The following PAPLN variants were observed in gnomAD, a reference collection of about 807,000 sequenced individuals.
The protein encoded by PAPLN is papilin.
PAPLN carries 146 observed loss-of-function variants against 159.0 expected under a neutral mutation model. That is an observed-to-expected ratio of 0.92 (90% CI 0.80 to 1.05). PAPLN has a LOEUF of 1.05. PAPLN is among the 50% of genes least tolerant of loss of function. PAPLN has a pLI of 0.00. For synonymous variants in PAPLN, 734 were observed against 702.9 expected (o/e 1.04, Z -0.70); for missense variants, 1,720 against 1,743.9 (o/e 0.99, Z 0.24).
chr14:73,256,798 A>T (rs1885962147), intron 14 of PAPLN, among the ~76,000 whole-genome samples: 1 of 151,936 alleles, frequency 6.6e-6, no homozygotes, highest in Non-Finnish European at 1.5e-5. Flanking sequence ...CAGGAGAATC[A>T]CTTGAACCTG....
chr14:73,254,847 A>ATC (rs745903346), intron 13 of PAPLN, 30 bp from the exon 14 acceptor site: 40 of 1,607,018 alleles, frequency 2.5e-5, no homozygotes, highest in Non-Finnish European at 3.2e-5. Context: ...CGCCCTCAGC[A>ATC]TCTCTCTCTC....
In PAPLN at chr14:73,264,229, C is replaced by T. The variant is rs371168771; in HGVS notation, c.2880C>T (p.Asp960=). 26 of 1,613,764 alleles carry T rather than the reference C, an allele frequency of 1.6e-5. No homozygotes were observed. Among genetic ancestry groups the T allele is most frequent in the Non-Finnish European group, 1.9e-5 (23 of 1,180,002 alleles). ...CACTCAGGCACAGGCTGCAGTTCGA[C>T]GGATCCCTGATCATCCACCCCCTGC... is the stretch of plus-strand genomic sequence containing the variant. The part of the protein sequence containing the change: ...ISSDRHRLQF[D]GSLIIHPLQA... Residue 960 remains aspartate (D), a synonymous_variant, in exon 21 of 27, where the codon GAC becomes GAT. Transcript: ENST00000644200.
chr14:73,240,364 T>C (rs1237079999), intron 2 of PAPLN, among the ~76,000 whole-genome samples: 1 of 152,176 alleles, frequency 6.6e-6, no homozygotes, highest in Admixed American at 6.5e-5. Flanking sequence ...CCTAGGTCCA[T>C]TGAGCACTTG....
In PAPLN at chr14:73,261,209, G is replaced by T; in HGVS notation, c.2160G>T (p.Arg720=). 2.5e-6 allele frequency: 4 copies of T among 1,614,050 alleles called. No homozygotes were observed. The highest frequency in any genetic ancestry group is 3.4e-6 in the Non-Finnish European group (4 of 1,180,020). The change falls in exon 18 of 27, where the codon CGG becomes CGT. Residue 720 remains arginine (R), a synonymous_variant. Coordinates refer to ENST00000644200, the MANE Select transcript of PAPLN (RefSeq NM_001365906.3). ...AGCAGAATGAGCCCAGTGAGTGCCG[G>T]GGCTCCCAGTTTGGCTGTTGCTATG... ...QAQQNEPSEC[R]GSQFGCCYDN...
Position 73,245,773 on chromosome 14 carries a change from C to T in PAPLN, c.231+77C>T, listed in dbSNP as rs1191467360. ...GCCGATTTCCCCATTGGGATGCCCG[C>T]TCCTGGCCGCGGGCTGCTGGGTTGG... On this transcript the variant is annotated intron_variant, in intron 4 of 26. Transcript: ENST00000644200. The surrounding 1 kb of genome is among the most constrained non-coding windows in gnomAD (Gnocchi z 4.2). The T allele has an allele frequency of 1.3e-6, 2 of 1,503,820 alleles. No homozygotes were observed. The highest frequency in any genetic ancestry group is 2.5e-5 in the East Asian group (1 of 40,524). 93.2% of individuals were successfully genotyped at this position (1,503,820 alleles called of 1,614,324 possible). A position where few individuals can be genotyped will look rare whatever the true frequency, so the allele number is the denominator to read the frequency against.
intron 5 of PAPLN, among the ~76,000 whole-genome samples, chr14:73,247,428 T>G (rs1452201956): frequency 2.0e-5 from 3 of 152,218 alleles, no homozygotes; most frequent in Admixed American, 6.5e-5. Context: ...CACTCTAGAT[T>G]CCAGATCAAG....
chr14:73,250,861 G>A, intron 6 of PAPLN, 46 bp from the exon 7 acceptor site: 3 of 1,561,460 alleles, frequency 1.9e-6, no homozygotes, highest in Non-Finnish European at 2.6e-6. Context: ...AAGGCCTGAT[G>A]TGGCCATGAT....
At chr14:73,259,634 G>A (rs1406449431) in intron 16 of PAPLN, 89 bp downstream of exon 16, 5 of 1,387,208 alleles carry the variant, frequency 3.6e-6, no homozygotes, top group Non-Finnish European at 4.7e-6. Context: ...ATCAGAAGAG[G>A]GCTGGGGTGG....
At chr14:73,257,410 A>AGG (rs11377381) in intron 14 of PAPLN, among the ~76,000 whole-genome samples, 2,939 of 151,866 alleles carry the variant, frequency 0.019, 43 homozygotes, top group Middle Eastern at 0.068. Context: ...GCATTATTTC[A>AGG]GGGGGGGTCC....
At position 73,263,700 on chromosome 14, in the gene PAPLN, G is replaced by T. The variant is rs1358861001; in HGVS notation, c.2779G>T (p.Val927Leu). 3.1e-6 allele frequency: 5 copies of T among 1,613,016 alleles called. No individual in the cohort carries two copies. The highest frequency in any genetic ancestry group is 1.7e-5 in the Admixed American group (1 of 60,006). The change falls in exon 20 of 27, where the codon GTG (valine) becomes TTG (leucine). Residue 927 changes from valine to leucine, a missense_variant. Physicochemically the swap from Val to Leu is conservative, Grantham distance 32. Coordinates refer to ENST00000644200, the MANE Select transcript of PAPLN (RefSeq NM_001365906.3). ...SLVQAALGQLVRLSCSDDTAP... is the reference protein window; with the variant it reads ...SLVQAALGQLLRLSCSDDTAP... ...GGTGCAGGCAGCCCTGGGGCAGTTGGTGCGGCTCTCCTGCTCAGACGACAC... is the reference window on the plus strand; with the variant it reads ...GGTGCAGGCAGCCCTGGGGCAGTTGTTGCGGCTCTCCTGCTCAGACGACAC...
chr14:73,254,732 C>T, intron 13 of PAPLN, 37 bp downstream of exon 13: 1 of 1,602,976 alleles, frequency 6.2e-7, no homozygotes, highest in Non-Finnish European at 8.5e-7. Context: ...CTGCCTGACC[C>T]TGGTCTCTGG....
Position 73,265,330 on chromosome 14 carries a change from C to A in PAPLN, c.3126-40C>A, listed in dbSNP as rs200747227. 1.3e-6 allele frequency: 2 copies of A among 1,592,446 alleles called. No homozygotes were observed. Among genetic ancestry groups the A allele is most frequent in the African/African-American group, 2.7e-5 (2 of 74,734 alleles). On this transcript the variant is annotated intron_variant, in intron 22 of 26. Transcript: ENST00000644200. This position sits in a 1 kb window ranked among gnomAD's most constrained non-coding sequence, Gnocchi z 4.1. ...TGCCCATGGGAGTAGGCGGGGGCAA[C>A]GGCAAGGGCCCCTCATGCTGTGGGC...
chr14:73,254,336 G>T (rs1885640368), intron 12 of PAPLN, among the ~76,000 whole-genome samples, 177 bp from the exon 13 acceptor site: 1 of 152,206 alleles, frequency 6.6e-6, no homozygotes, highest in Non-Finnish European at 1.5e-5. Context: ...GTTGTCAGTA[G>T]CCATGGTTCA....
rs190713705 is a variant in PAPLN, at chr14:73,270,812, T to C, written c.3668-1683T>C. On this transcript the variant is annotated intron_variant, in intron 26 of 26. Coordinates refer to ENST00000644200, the MANE Select transcript of PAPLN (RefSeq NM_001365906.3). ...AGACATGGCCTCAGTCTGGCCACTC[T>C]CCTCCGGTCCTCTGCTGGCTGCTCT... is the stretch of plus-strand genomic sequence containing the variant. 2.6e-5 allele frequency among the ~76,000 whole-genome samples: 4 copies of C among 152,260 alleles called. No homozygotes were observed. In the East Asian group the frequency reaches 5.8e-4, roughly 22 times the overall value.
intron 21 of PAPLN, 60 bp from the exon 22 acceptor site, chr14:73,264,528 C>G (rs942841459): frequency 4.0e-5 from 62 of 1,553,580 alleles, no homozygotes; most frequent in Non-Finnish European, 5.3e-5. Flanking sequence ...CATGGCCCGC[C>G]CTTCCTTCCA....
intron 1 of PAPLN, among the ~76,000 whole-genome samples, chr14:73,237,869 C>T (rs1259694025): frequency 1.3e-5 from 2 of 152,164 alleles, no homozygotes; most frequent in Non-Finnish European, 2.9e-5. Context: ...CCGCTCGGAC[C>T]TTCCCTTCAG....
Position 73,245,835 on chromosome 14 carries a change from C to T in PAPLN, c.231+139C>T. ...GTCCTCCCGCCAATCCACAGCAGGGCTGCGTGGGGGCCCCTTCCTCACCCT... is the reference window on the plus strand; with the variant it reads ...GTCCTCCCGCCAATCCACAGCAGGGTTGCGTGGGGGCCCCTTCCTCACCCT... On this transcript the variant is annotated intron_variant, in intron 4 of 26. Transcript: ENST00000644200. This position sits in a 1 kb window ranked among gnomAD's most constrained non-coding sequence, Gnocchi z 4.2. The T allele has an allele frequency of 8.5e-7, 1 of 1,183,340 alleles. No homozygotes were observed. Among genetic ancestry groups the T allele is most frequent in the Non-Finnish European group, 1.2e-6 (1 of 851,214 alleles). 73.3% of individuals were successfully genotyped at this position (1,183,340 alleles called of 1,614,324 possible). A position where few individuals can be genotyped will look rare whatever the true frequency, so the allele number is the denominator to read the frequency against.
chr14:73,261,174 C>CCCCAGG lies in PAPLN; in HGVS notation c.2131_2136dup (p.Ala711_Gln712dup). The CCCCAGG allele has an allele frequency of 6.2e-7, 1 of 1,614,172 alleles. No individual in the cohort carries two copies. The highest frequency in any genetic ancestry group is 1.3e-5 in the African/African-American group (1 of 75,060). ...TCCCCAGGTCCACAACACCCACCAG[C>CCCCAGG]CCCAGGCCCAGCAGAATGAGCCCAG... On this transcript the variant is annotated inframe_insertion, in exon 18 of 27. Transcript: ENST00000644200.
intron 1 of PAPLN, among the ~76,000 whole-genome samples, chr14:73,238,475 C>T (rs1883200683): frequency 6.6e-6 from 1 of 152,144 alleles, no homozygotes; most frequent in Non-Finnish European, 1.5e-5. Context: ...TTCGGAATGG[C>T]AGATATGGGC....
Sources: gnomAD v4.1 joint callset for allele counts (sites outside exome capture counted in the v4.1 genomes callset) on GRCh38, gnomAD v4.1.1 for gene constraint, Gnocchi (gnomAD v3.1) non-coding constraint, MANE v1.5 for transcripts, NCBI Gene and HGNC (gene_info 2026-07-23, HGNC 2026-07-21) for gene names.